Variants in SRGAP3 observed in about 807,000 individuals in gnomAD.
SRGAP3 encodes the protein SLIT-ROBO Rho GTPase activating protein 3.
SRGAP3 carries 39 observed loss-of-function variants against 121.1 expected under a neutral mutation model. That is an observed-to-expected ratio of 0.32 (90% confidence interval 0.25 to 0.42). The LOEUF (loss-of-function observed/expected upper bound fraction) is 0.42, where lower values mean the gene tolerates loss of function less well. Among genes scored for constraint, SRGAP3 ranks in the 10% least tolerant of loss-of-function variants. The pLI, the probability that SRGAP3 is intolerant of heterozygous loss-of-function variation, is 1.00. For missense variants in SRGAP3, 1,213 were observed against 1,470.6 expected (o/e 0.82, Z 2.86); for synonymous variants, 601 against 570.0 (o/e 1.05, Z -0.77).
Position 8,990,499 on chromosome 3 carries a change from C to T in SRGAP3, c.2886+13G>A, listed in dbSNP as rs774076000. On this transcript the variant is annotated intron_variant, in intron 21 of 21. Coordinates refer to ENST00000383836, the MANE Select transcript of SRGAP3 (RefSeq NM_014850.4). ...CTTTTGGCTGCCCAGCCTGCCTTCC[C>T]GCTGGCCCTTACTTCTGCCAGGGCC... 12 of 1,550,912 alleles carry T rather than the reference C, an allele frequency of 7.7e-6. No individual in the cohort carries two copies. The highest frequency in any genetic ancestry group is 2.0e-5 in the Admixed American group (1 of 51,072).
chr3:9,006,224 C>G (rs1024935428), intron 18 of SRGAP3, among the ~76,000 whole-genome samples: 2 of 152,006 alleles, frequency 1.3e-5, no homozygotes, highest in African/African-American at 4.8e-5. Context: ...CATGGTGAAA[C>G]CCCGTCTCTA....
At chr3:9,056,465 G>GAGCAGGTCA in intron 7 of SRGAP3, 131 bp from the exon 8 acceptor site, 1 of 918,182 alleles carries the variant, frequency 1.1e-6, no homozygotes, top group Non-Finnish European at 1.7e-6. Flanking sequence ...TGAGTGACCT[G>GAGCAGGTCA]CTCAAGGTCA....
At chr3:9,248,603 A>G (rs1953908148) in intron 1 of SRGAP3, among the ~76,000 whole-genome samples, 1 of 152,178 alleles carries the variant, frequency 6.6e-6, no homozygotes, top group Non-Finnish European at 1.5e-5. Context: ...ATGATGGGGT[A>G]TCAGCGACAC....
intron 3 of SRGAP3, among the ~76,000 whole-genome samples, chr3:9,090,219 C>A (rs1293869380): frequency 6.6e-6 from 1 of 152,118 alleles, no homozygotes; most frequent in East Asian, 1.9e-4. Flanking sequence ...AATTTCCCAA[C>A]AATTAGAGCA....
At chr3:9,348,609 A>C in intron 1 of SRGAP3, 1 of 959,774 alleles carries the variant, frequency 1.0e-6, no homozygotes, top group Non-Finnish European at 1.7e-6. Flanking sequence ...CATCTGCTTC[A>C]CCTCAGTGCA....
chr3:9,135,233 T>C (rs975882629), intron 1 of SRGAP3, among the ~76,000 whole-genome samples: 1 of 152,258 alleles, frequency 6.6e-6, no homozygotes, highest in Non-Finnish European at 1.5e-5. Flanking sequence ...AAAGTTAAGC[T>C]ATGATTATCA....
chr3:9,014,728 G>C (rs1243846321), intron 15 of SRGAP3: 1 of 152,186 alleles, frequency 6.6e-6, no homozygotes, highest in Non-Finnish European at 1.5e-5. Context: ...CAATAAAAAA[G>C]AGCTCAAACC....
chr3:9,285,375 G>A (rs1026248756), intron 3 of SRGAP3, among the ~76,000 whole-genome samples: 1 of 152,172 alleles, frequency 6.6e-6, no homozygotes, highest in Non-Finnish European at 1.5e-5. Context: ...GCAGAAGCAG[G>A]AAGGTCTCTC....
chr3:9,106,569 G>A (rs923313469), intron 2 of SRGAP3, among the ~76,000 whole-genome samples: 1 of 152,148 alleles, frequency 6.6e-6, no homozygotes, highest in African/African-American at 2.4e-5. Context: ...CCCACATGTT[G>A]TGGGAATGGT....
At chr3:9,210,729 C>A (rs1952419632) in intron 1 of SRGAP3, among the ~76,000 whole-genome samples, 1 of 152,004 alleles carries the variant, frequency 6.6e-6, no homozygotes, top group Non-Finnish European at 1.5e-5. Context: ...ACTTGGGAAG[C>A]AGAGCCAGGA....
chr3:9,170,137 G>A (rs577617338), intron 1 of SRGAP3, among the ~76,000 whole-genome samples: 11 of 152,314 alleles, frequency 7.2e-5, no homozygotes, highest in African/African-American at 2.2e-4. Flanking sequence ...GATCACTGCC[G>A]TTTAGACAGT....
At chr3:9,009,083 C>A (rs549582169) in intron 18 of SRGAP3, among the ~76,000 whole-genome samples, 1 of 152,320 alleles carries the variant, frequency 6.6e-6, no homozygotes, top group Non-Finnish European at 1.5e-5. Flanking sequence ...CATCCCAACC[C>A]TGGGACTTTT....
chr3:9,076,855 C>T (rs985538734), intron 4 of SRGAP3, among the ~76,000 whole-genome samples: 18 of 152,108 alleles, frequency 1.2e-4, no homozygotes, highest in African/African-American at 3.6e-4. Context: ...AGCTCACAGG[C>T]GAGTTACACA....
At chr3:9,135,892 G>C (rs1560234635) in intron 1 of SRGAP3, among the ~76,000 whole-genome samples, 1 of 152,194 alleles carries the variant, frequency 6.6e-6, no homozygotes, top group Non-Finnish European at 1.5e-5. Context: ...TGTAAAATAG[G>C]GAATAATACC....
chr3:9,029,250 C>T (rs1241284518), intron 12 of SRGAP3, among the ~76,000 whole-genome samples: 3 of 152,148 alleles, frequency 2.0e-5, no homozygotes, highest in South Asian at 4.1e-4. Flanking sequence ...TATAGTGGCT[C>T]ATTTAATCTT....
At chr3:9,019,455 T>G (rs1288858232) in intron 14 of SRGAP3, among the ~76,000 whole-genome samples, 3 of 152,220 alleles carry the variant, frequency 2.0e-5, no homozygotes, top group Non-Finnish European at 4.4e-5. Flanking sequence ...TCAGAGCTGC[T>G]GGGCAGGTTC....
At chr3:9,071,990 G>A (rs1445721252) in intron 4 of SRGAP3, among the ~76,000 whole-genome samples, 1 of 152,170 alleles carries the variant, frequency 6.6e-6, no homozygotes, top group Non-Finnish European at 1.5e-5. Flanking sequence ...ACATGTTCAT[G>A]TGATTCAACA....
chr3:9,045,642 C>T (rs1355833530), intron 10 of SRGAP3, among the ~76,000 whole-genome samples: 1 of 152,106 alleles, frequency 6.6e-6, no homozygotes, highest in Non-Finnish European at 1.5e-5. Context: ...CAGATAAGGG[C>T]CGCAGGAAGA....
At chr3:9,150,079 G>A (rs73019335) in intron 1 of SRGAP3, among the ~76,000 whole-genome samples, 7,962 of 152,214 alleles carry the variant, frequency 0.052, 311 homozygotes, top group Non-Finnish European at 0.075. Context: ...CCAGTGAGAT[G>A]AACACTGGGA....
Sources: allele counts gnomAD v4.1 joint callset (sites outside exome capture counted in the v4.1 genomes callset), GRCh38; gene constraint gnomAD v4.1.1; transcripts MANE v1.5; gene names NCBI Gene and HGNC (gene_info 2026-07-23, HGNC 2026-07-21).